Variants in RALYL observed in about 807,000 individuals in gnomAD.
The protein encoded by RALYL is RALY RNA binding protein like.
A neutral mutation model predicts 35.1 loss-of-function variants in RALYL; 29 were observed. The ratio of observed to expected loss-of-function variants is 0.83; its 90% confidence interval spans 0.61 to 1.13. The LOEUF (loss-of-function observed/expected upper bound fraction) is 1.13, where lower values mean the gene tolerates loss of function less well. Ranked by LOEUF, RALYL falls within the 50% of genes most tolerant of loss-of-function variation. The pLI is 0.00. For missense variants in RALYL, 359 were observed against 360.4 expected (o/e 1.00, Z 0.03); for synonymous variants, 120 against 127.6 (o/e 0.94, Z 0.40).
At chr8:84,854,197 T>A (rs1054436465) in intron 5 of RALYL, among the ~76,000 whole-genome samples, 2 of 151,792 alleles carry the variant, frequency 1.3e-5, no homozygotes, top group Non-Finnish European at 2.9e-5. Flanking sequence ...AATACAAAAA[T>A]TAGCCAGGTC....
At chr8:84,713,749 T>A (rs1354685393) in intron 2 of RALYL, among the ~76,000 whole-genome samples, 2 of 151,532 alleles carry the variant, frequency 1.3e-5, no homozygotes, top group Non-Finnish European at 3.0e-5. Flanking sequence ...TCAAAGAAAA[T>A]AAAATTAATT....
At chr8:84,545,573 A>T (rs190818110) in intron 2 of RALYL, among the ~76,000 whole-genome samples, 45 of 152,266 alleles carry the variant, frequency 3.0e-4, no homozygotes, top group African/African-American at 1.0e-3. Flanking sequence ...ATTTGTCCAG[A>T]TCTACTTTTG....
intron 1 of RALYL, among the ~76,000 whole-genome samples, chr8:84,423,007 GA>G (rs1255778849): frequency 1.7e-3 from 256 of 148,722 alleles, no homozygotes; most frequent in African/African-American, 5.6e-3. Flanking sequence ...GTGTGGTGCT[GA>G]AAAAAATGTA....
At chr8:84,697,356 ATTGT>A (rs1292410839) in intron 2 of RALYL, among the ~76,000 whole-genome samples, 1 of 151,946 alleles carries the variant, frequency 6.6e-6, no homozygotes, top group Non-Finnish European at 1.5e-5. Context: ...CATTTTCAAA[ATTGT>A]TTGGTTATGT....
At chr8:84,572,827 T>A (rs1808340619) in intron 2 of RALYL, among the ~76,000 whole-genome samples, 1 of 151,738 alleles carries the variant, frequency 6.6e-6, no homozygotes, top group Non-Finnish European at 1.5e-5. Flanking sequence ...AAATTTACTA[T>A]CTTAACTGCC....
intron 2 of RALYL, among the ~76,000 whole-genome samples, chr8:84,635,929 C>G (rs1824969719): frequency 6.6e-6 from 1 of 151,722 alleles, no homozygotes. Flanking sequence ...TTAATCTGAA[C>G]ATAATTAAAA....
intron 2 of RALYL, among the ~76,000 whole-genome samples, chr8:84,731,478 G>A (rs1488704): frequency 2.0e-5 from 3 of 151,936 alleles, no homozygotes; most frequent in Non-Finnish European, 2.9e-5. Flanking sequence ...TCTTTGAAAC[G>A]TCTTTCTCTT....
At chr8:84,422,445 C>G (rs1170581028) in intron 1 of RALYL, among the ~76,000 whole-genome samples, 2 of 125,582 alleles carry the variant, frequency 1.6e-5, no homozygotes, top group African/African-American at 6.5e-5. Context: ...CTCTTTTTTT[C>G]TTTATTAGTC....
intron 2 of RALYL, among the ~76,000 whole-genome samples, chr8:84,615,570 C>CTTTTGTTTTTTTTTTTTTT (rs1819334141): frequency 1.5e-5 from 1 of 67,364 alleles, no homozygotes; most frequent in South Asian, 6.1e-4. Context: ...GAACTTTCGT[C>CTTTTGTTTTTTTTTTTTTT]TTTTTTTTTT....
At chr8:84,528,017 A>G (rs1313707052) in intron 1 of RALYL, among the ~76,000 whole-genome samples, 2 of 152,118 alleles carry the variant, frequency 1.3e-5, no homozygotes, top group Non-Finnish European at 2.9e-5. Flanking sequence ...TAAATGCATA[A>G]TAAGTACATT....
intron 1 of RALYL, among the ~76,000 whole-genome samples, chr8:84,192,901 GT>G (rs1814292527): frequency 1.6e-5 from 2 of 127,384 alleles, no homozygotes; most frequent in African/African-American, 6.3e-5. Context: ...GTGTGTGTGT[GT>G]GTGTGGGGGG....
At chr8:84,368,066 C>T (rs144558146) in intron 1 of RALYL, among the ~76,000 whole-genome samples, 16 of 152,282 alleles carry the variant, frequency 1.1e-4, no homozygotes, top group Non-Finnish European at 1.9e-4. Context: ...TTCAACAAGT[C>T]TCCAACTCGT....
chr8:84,532,391 T>A (rs1019662802), intron 2 of RALYL, among the ~76,000 whole-genome samples: 1 of 152,076 alleles, frequency 6.6e-6, no homozygotes, highest in Non-Finnish European at 1.5e-5. Flanking sequence ...TTGTTTTTGA[T>A]GATTTGAGCA....
chr8:84,455,804 C>T (rs1163880162), intron 1 of RALYL, among the ~76,000 whole-genome samples: 1 of 151,976 alleles, frequency 6.6e-6, no homozygotes, highest in African/African-American at 2.4e-5. Context: ...TCTGTTTTAT[C>T]AGAATTCTTG....
At chr8:84,643,659 G>T (rs947617810) in intron 2 of RALYL, among the ~76,000 whole-genome samples, 22 of 152,054 alleles carry the variant, frequency 1.4e-4, no homozygotes, top group Admixed American at 6.6e-5. Context: ...ACTAAATGCA[G>T]ATCTGGCCAC....
At chr8:84,818,649 G>T (rs115259860) in intron 4 of RALYL, among the ~76,000 whole-genome samples, 2,578 of 152,260 alleles carry the variant, frequency 0.017, 68 homozygotes, top group African/African-American at 0.058. Flanking sequence ...TGCTCATTCT[G>T]TGGGTGAAGT....
intron 1 of RALYL, among the ~76,000 whole-genome samples, chr8:84,456,901 A>G (rs1397587629): frequency 1.3e-5 from 2 of 152,002 alleles, no homozygotes; most frequent in Non-Finnish European, 2.9e-5. Context: ...GAATTGATGT[A>G]ATTGCCCTCC....
chr8:84,789,819 C>A (rs954373118), intron 3 of RALYL, among the ~76,000 whole-genome samples: 3 of 151,994 alleles, frequency 2.0e-5, no homozygotes, highest in African/African-American at 7.3e-5. Flanking sequence ...GTAATCACTC[C>A]AGCCAGAGCC....
chr8:84,834,495 T>A lies in RALYL; in HGVS notation c.366-15485T>A, dbSNP rs909882576. 2.0e-5 allele frequency among the ~76,000 whole-genome samples: 3 copies of A among 152,190 alleles called. No homozygotes were observed. In the South Asian group the frequency reaches 6.2e-4, roughly 31 times the overall value. ...CCCATGGTTATCACTGGGCCTCTGA[T>A]AAGCTGCTGGTAGCTGTGCCAGAGA... On this transcript the variant is annotated intron_variant, in intron 4 of 8. Transcript: ENST00000521268.
Sources: allele counts gnomAD v4.1 joint callset (sites outside exome capture counted in the v4.1 genomes callset), GRCh38; gene constraint gnomAD v4.1.1; transcripts MANE v1.5; gene names NCBI Gene and HGNC (gene_info 2026-07-23, HGNC 2026-07-21).